The following TRIM34 variants were observed in gnomAD, a reference collection of about 807,000 sequenced individuals.
TRIM34 encodes tripartite motif containing 34.
TRIM34 carries 41 observed loss-of-function variants against 38.1 expected under a neutral mutation model. The ratio of observed to expected loss-of-function variants is 1.08; its 90% CI spans 0.84 to 1.40. The LOEUF (loss-of-function observed/expected upper bound fraction) is 1.40. Among genes scored for constraint, TRIM34 ranks in the 40% most tolerant of loss-of-function variants. The pLI, the probability that TRIM34 is intolerant of heterozygous loss-of-function variation, is 0.00. For missense variants in TRIM34, 556 were observed against 571.4 expected (o/e 0.97, Z 0.27); for synonymous variants, 200 against 202.5 (o/e 0.99, Z 0.10).
upstream of TRIM34, among the ~76,000 whole-genome samples, chr11:5,621,598 T>C (rs1356595858): frequency 6.6e-6 from 1 of 152,198 alleles, no homozygotes; most frequent in Non-Finnish European, 1.5e-5. Flanking sequence ...ACCATTAATA[T>C]ATTATATGTT....
At chr11:5,640,234 G>C (rs1424617100) in intron 4 of TRIM34, among the ~76,000 whole-genome samples, 2 of 152,174 alleles carry the variant, frequency 1.3e-5, no homozygotes, top group Non-Finnish European at 2.9e-5. Flanking sequence ...TCACCACAAA[G>C]TATGATGTTA....
chr11:5,632,713 C>CA lies in TRIM34; in HGVS notation c.383dup (p.His128GlnfsTer32), dbSNP rs1241590566. 6.2e-7 allele frequency: 1 copy of CA among 1,611,650 alleles called. No homozygotes were observed. Among genetic ancestry groups the CA allele is most frequent in the East Asian group, 2.2e-5 (1 of 44,816 alleles). ...TGAGCGGTCTCAGGAGCACCGTGGT[C>CA]ACCACACAGTCCTCACGGAGGAAGT... On this transcript the variant is annotated frameshift_variant, in exon 2 of 8. Transcript: ENST00000429814. LOFTEE classifies it high-confidence loss of function.
intron 3 of TRIM34, 56 bp from the exon 4 acceptor site, chr11:5,634,575 A>T: frequency 6.6e-7 from 1 of 1,514,788 alleles, no homozygotes; most frequent in Non-Finnish European, 8.9e-7. Flanking sequence ...AATCCCTTGC[A>T]CAATAGGCCT....
chr11:5,633,154 T>C (rs2133928497), intron 2 of TRIM34, among the ~76,000 whole-genome samples: 1 of 148,796 alleles, frequency 6.7e-6, no homozygotes, highest in East Asian at 2.0e-4. Flanking sequence ...TTCTTTTTTT[T>C]TTTTTTTTTT....
chr11:5,632,253 A>C lies in TRIM34; in HGVS notation c.-77-2A>C. The C allele has an allele frequency of 6.3e-7, 1 of 1,592,194 alleles. No homozygotes were observed. The highest frequency in any genetic ancestry group is 1.1e-5 in the South Asian group (1 of 87,500). On this transcript the variant is annotated splice_acceptor_variant, in intron 1 of 7. Transcript: ENST00000429814. LOFTEE classifies it low-confidence loss of function (5UTR_SPLICE). ...TATACCATCCCCTTTCAATCTTCTC[A>C]GCCATCCAGGGGTCTTTAACCAGAA... is the stretch of plus-strand genomic sequence containing the variant.
chr11:5,642,898 A>G, intron 7 of TRIM34, 55 bp downstream of exon 7: 1 of 1,605,790 alleles, frequency 6.2e-7, no homozygotes, highest in East Asian at 2.2e-5. Flanking sequence ...TCAGAAGTTT[A>G]TGGTTTCAAT....
chr11:5,620,409 G>A (rs183699669), upstream of TRIM34, among the ~76,000 whole-genome samples: 5 of 151,100 alleles, frequency 3.3e-5, no homozygotes, highest in African/African-American at 1.2e-4. Context: ...GAATTCCTTG[G>A]CCAGACTGGA....
chr11:5,620,393 G>T (rs765936499), upstream of TRIM34, among the ~76,000 whole-genome samples: 1 of 151,288 alleles, frequency 6.6e-6, no homozygotes, highest in Non-Finnish European at 1.5e-5. Context: ...TGGCCAGATT[G>T]GTCTCGAATT....
chr11:5,622,051 C>T (rs918597551), upstream of TRIM34, among the ~76,000 whole-genome samples: 3 of 152,084 alleles, frequency 2.0e-5, no homozygotes, highest in Non-Finnish European at 2.9e-5. Context: ...CTCAGATTTT[C>T]GGGGTTCAGA....
intron 1 of TRIM34, among the ~76,000 whole-genome samples, chr11:5,628,554 G>T (rs1214818544): frequency 6.6e-6 from 1 of 152,156 alleles, no homozygotes; most frequent in African/African-American, 2.4e-5. Flanking sequence ...GGTTAGAGGA[G>T]TAGACAGGTC....
Position 5,632,436 on chromosome 11 carries a change from C to T in TRIM34, c.105C>T (p.Cys35=), listed in dbSNP as rs1486324322. 10 of 1,613,878 alleles carry T rather than the reference C, an allele frequency of 6.2e-6. No individual in the cohort carries two copies. Among genetic ancestry groups the T allele is most frequent in the Non-Finnish European group, 8.5e-6 (10 of 1,179,986 alleles). Residue 35 remains cysteine (C), a synonymous_variant, in exon 2 of 8, where the codon TGC becomes TGT. Coordinates refer to ENST00000429814, the MANE Select transcript of TRIM34 (RefSeq NM_021616.6). ...PLSLDCGHSL[C]RACITVSNKE... is the part of the protein sequence containing the mutation. The stretch of plus-strand genomic sequence containing the variant: ...GTCTAGACTGTGGCCACAGCCTCTG[C>T]CGAGCCTGCATCACTGTGAGCAACA...
intron 4 of TRIM34, among the ~76,000 whole-genome samples, chr11:5,639,082 T>A (rs1339441693): frequency 6.6e-6 from 1 of 152,150 alleles, no homozygotes; most frequent in Non-Finnish European, 1.5e-5. Flanking sequence ...TGGTACAAGT[T>A]GTATGTCTAA....
upstream of TRIM34, among the ~76,000 whole-genome samples, chr11:5,622,841 A>C (rs551118782): frequency 6.6e-6 from 1 of 152,308 alleles, no homozygotes; most frequent in African/African-American, 2.4e-5. Flanking sequence ...AAGGTTAAGG[A>C]TGCACCCATG....
intron 4 of TRIM34, 73 bp from the exon 5 acceptor site, chr11:5,641,094 T>C: frequency 6.6e-7 from 1 of 1,516,848 alleles, no homozygotes. Context: ...TTTTTCCTAC[T>C]GTTCTTCTTT....
upstream of TRIM34, among the ~76,000 whole-genome samples, chr11:5,621,929 C>G (rs1340097669): frequency 6.6e-6 from 1 of 152,084 alleles, no homozygotes; most frequent in Non-Finnish European, 1.5e-5. Flanking sequence ...TGTATACAAC[C>G]AAGTTGTGCT....
intron 2 of TRIM34, among the ~76,000 whole-genome samples, chr11:5,633,434 A>G (rs895854543): frequency 1.3e-5 from 2 of 152,044 alleles, no homozygotes; most frequent in East Asian, 1.9e-4. Context: ...TTTTCATTGT[A>G]TAAGTGATAA....
At chr11:5,639,638 C>G (rs1849903055) in intron 4 of TRIM34, among the ~76,000 whole-genome samples, 1 of 131,754 alleles carries the variant, frequency 7.6e-6, no homozygotes, top group Non-Finnish European at 1.6e-5. Context: ...CAAGTTCGCA[C>G]CACTGCACTC....
intron 6 of TRIM34, 97 bp from the exon 7 acceptor site, chr11:5,642,720 G>A: frequency 1.3e-6 from 2 of 1,532,698 alleles, no homozygotes; most frequent in South Asian, 1.2e-5. Flanking sequence ...CAGCTTCATG[G>A]TATTCCCTTC....
chr11:5,643,136 TC>T lies in TRIM34; in HGVS notation c.902-7del. ...ATACATATATATATATTTTTTTTTT[TC>T]TTGCAGTGGATGTCACACTGAATTC... On this transcript the variant is annotated splice_region_variant and splice_polypyrimidine_tract_variant and intron_variant, in intron 7 of 7. Coordinates refer to ENST00000429814, the MANE Select transcript of TRIM34 (RefSeq NM_021616.6). The T allele has an allele frequency of 7.1e-7, 1 of 1,411,092 alleles. No individual in the cohort carries two copies. Among genetic ancestry groups the T allele is most frequent in the African/African-American group, 1.4e-5 (1 of 69,336 alleles). 87.4% of individuals were successfully genotyped at this position (1,411,092 alleles called of 1,614,324 possible).
Sources: allele counts gnomAD v4.1 joint callset (sites outside exome capture counted in the v4.1 genomes callset), GRCh38; gene constraint gnomAD v4.1.1; transcripts MANE v1.5; gene names NCBI Gene and HGNC (gene_info 2026-07-23, HGNC 2026-07-21).